The following USP32 variants were observed in gnomAD, a reference collection of about 807,000 sequenced individuals.
The protein encoded by USP32 is ubiquitin carboxyl-terminal hydrolase 32.
A neutral mutation model predicts 204.8 loss-of-function variants in USP32; 59 were observed. The observed-to-expected ratio is 0.29, with a 90% confidence interval of 0.23 to 0.36. The LOEUF (loss-of-function observed/expected upper bound fraction) is 0.36, where lower values mean the gene tolerates loss of function less well. Among genes scored for constraint, USP32 ranks in the 10% least tolerant of loss-of-function variants. The probability of loss-of-function intolerance (pLI) is 1.00; values close to 1 mark genes in which losing one functional copy is unlikely to be tolerated. For missense variants in USP32, 1,160 were observed against 1,946.4 expected, an observed-to-expected ratio of 0.60 and a Z score of 7.60; for synonymous variants, 517 against 678.4, an observed-to-expected ratio of 0.76 and a Z score of 3.70.
chr17:60,380,704 G>A (rs757151472), intron 1 of USP32, among the ~76,000 whole-genome samples: 1 of 152,118 alleles, frequency 6.6e-6, no homozygotes, highest in African/African-American at 2.4e-5. Context: ...GAGAAAAAAA[G>A]CTCCTAAAAT....
chr17:60,218,723 C>T (rs904320211), intron 16 of USP32, among the ~76,000 whole-genome samples: 4 of 152,076 alleles, frequency 2.6e-5, no homozygotes, highest in South Asian at 2.1e-4. Context: ...CTTGCCCCAG[C>T]CTCCCAAGTA....
At chr17:60,413,504 TA>T (rs1351734993) in intron 1 of USP32, among the ~76,000 whole-genome samples, 1 of 152,136 alleles carries the variant, frequency 6.6e-6, no homozygotes, top group Non-Finnish European at 1.5e-5. Context: ...ACAGGTGGAT[TA>T]AAAAAATTTT....
At chr17:60,353,936 G>A (rs912187891) in intron 1 of USP32, among the ~76,000 whole-genome samples, 5 of 152,202 alleles carry the variant, frequency 3.3e-5, no homozygotes, top group Non-Finnish European at 7.3e-5. Flanking sequence ...TACACCAGTA[G>A]TTATTAACCT....
At chr17:60,321,748 T>C (rs1311861594) in intron 2 of USP32, among the ~76,000 whole-genome samples, 1 of 152,206 alleles carries the variant, frequency 6.6e-6, no homozygotes, top group Non-Finnish European at 1.5e-5. Context: ...TTTAAGCCAC[T>C]TCCCTAAATC....
chr17:60,397,892 G>C (rs995563518), intron 1 of USP32, among the ~76,000 whole-genome samples: 4 of 152,002 alleles, frequency 2.6e-5, no homozygotes, highest in Admixed American at 2.6e-4. Context: ...GTGGGAGTGA[G>C]GATGGGGTTA....
chr17:60,392,135 G>A, upstream of USP32: 1 of 569,498 alleles, frequency 1.8e-6, no homozygotes, highest in Non-Finnish European at 3.1e-6. Flanking sequence ...CGGATCACGT[G>A]ACTCTTCCGC....
At chr17:60,270,823 CAAA>C (rs56653936) in intron 6 of USP32, among the ~76,000 whole-genome samples, 15 of 63,544 alleles carry the variant, frequency 2.4e-4, no homozygotes, top group South Asian at 5.0e-4. Flanking sequence ...AACTCTGCCT[CAAA>C]AAAAAAAAAA....
At chr17:60,340,659 GC>G (rs1187339246) in intron 2 of USP32, among the ~76,000 whole-genome samples, 4 of 152,132 alleles carry the variant, frequency 2.6e-5, no homozygotes, top group Admixed American at 2.6e-4. Context: ...GGGGCATTTA[GC>G]CCATTTACAT....
intron 6 of USP32, among the ~76,000 whole-genome samples, chr17:60,269,981 G>T (rs73993218): frequency 0.035 from 5,311 of 152,104 alleles, 319 homozygotes; most frequent in African/African-American, 0.12. Context: ...GATACACTAT[G>T]GTATCATTAA....
chr17:60,347,897 C>T (rs1241308128), intron 1 of USP32, among the ~76,000 whole-genome samples: 22 of 150,942 alleles, frequency 1.5e-4, no homozygotes, highest in African/African-American at 4.8e-4. Flanking sequence ...CTGAGGCGGG[C>T]GGATCACGAG....
At chr17:60,270,360 C>T (rs1039460589) in intron 6 of USP32, among the ~76,000 whole-genome samples, 19 of 152,140 alleles carry the variant, frequency 1.2e-4, no homozygotes, top group Middle Eastern at 3.2e-3. Flanking sequence ...CAGAATCTAA[C>T]GCAGTGCCCT....
In USP32 at chr17:60,359,765, T is replaced by C. The variant is rs575753148; in HGVS notation, c.59-14157A>G. Reference sequence around the variant, plus strand: ...ATTGGAGACTGCAGTGACCTATGATTGAACCACTATACTCCAGCATTCCAT... The same window carrying C: ...ATTGGAGACTGCAGTGACCTATGATCGAACCACTATACTCCAGCATTCCAT... On this transcript the variant is annotated intron_variant, in intron 1 of 33. Coordinates refer to ENST00000300896, the MANE Select transcript of USP32 (RefSeq NM_032582.4). 5.9e-5 allele frequency among the ~76,000 whole-genome samples: 9 copies of C among 152,260 alleles called. No homozygotes were observed. The South Asian group carries it at 1.9e-3, about 32-fold the overall frequency.
chr17:60,180,244 T>G (rs914371190), intron 33 of USP32, among the ~76,000 whole-genome samples: 6 of 151,666 alleles, frequency 4.0e-5, no homozygotes, highest in Non-Finnish European at 5.9e-5. Flanking sequence ...CAGTCTGGTC[T>G]TGAACTCCTG....
At position 60,226,189 on chromosome 17, in the gene USP32, C is replaced by T. The variant is rs751088592; in HGVS notation, c.1282G>A (p.Gly428Arg). 1.9e-5 allele frequency: 30 copies of T among 1,573,990 alleles called. No homozygotes were observed. In the East Asian group the frequency reaches 5.4e-4, roughly 28 times the overall value. ...GCAGTTCCAAATGAGTATTTTCCTC[C>T]ATTCAAAACAGATGATGGCTCAATT... ...VVIEPSSVLNGGKYSFGTAAH... is the reference protein window; with the variant it reads ...VVIEPSSVLNRGKYSFGTAAH... The change falls in exon 13 of 34, where the codon GGA becomes AGA. Residue 428 changes from glycine (G) to arginine (R), a missense_variant. Coordinates refer to ENST00000300896, the MANE Select transcript of USP32 (RefSeq NM_032582.4).
intron 12 of USP32, among the ~76,000 whole-genome samples, chr17:60,230,641 G>A (rs199746265): frequency 1.2e-4 from 18 of 152,006 alleles, no homozygotes; most frequent in East Asian, 7.7e-4. Flanking sequence ...CATTGTCTTC[G>A]GCTTTCTTTT....
intron 1 of USP32, among the ~76,000 whole-genome samples, chr17:60,389,119 C>G (rs1391594914): frequency 6.6e-6 from 1 of 152,116 alleles, no homozygotes; most frequent in Admixed American, 6.5e-5. Context: ...TTTGTCAAAT[C>G]CTATCTACCC....
At chr17:60,278,314 TTA>T (rs1173946140) in intron 5 of USP32, among the ~76,000 whole-genome samples, 1 of 151,788 alleles carries the variant, frequency 6.6e-6, no homozygotes, top group East Asian at 1.9e-4. Context: ...AACAAGACAA[TTA>T]TGTTTAGAGA....
At chr17:60,289,537 CA>C (rs751665422) in intron 4 of USP32, among the ~76,000 whole-genome samples, 17 of 152,124 alleles carry the variant, frequency 1.1e-4, no homozygotes, top group Non-Finnish European at 2.4e-4. Flanking sequence ...ACACAGAGAA[CA>C]AAAAGAAGCA....
intron 3 of USP32, among the ~76,000 whole-genome samples, chr17:60,296,970 A>C (rs2087446456): frequency 6.6e-6 from 1 of 152,208 alleles, no homozygotes; most frequent in Non-Finnish European, 1.5e-5. Context: ...TTTGCAGTTT[A>C]GAGATGCAAC....
Sources: allele counts gnomAD v4.1 joint callset (sites outside exome capture counted in the v4.1 genomes callset), GRCh38; gene constraint gnomAD v4.1.1; transcripts MANE v1.5; gene names NCBI Gene and HGNC (gene_info 2026-07-23, HGNC 2026-07-21).